The following RPS6 variants were observed in gnomAD, a reference collection of about 807,000 sequenced individuals.
The protein encoded by RPS6 is ribosomal protein S6.
Under a neutral mutation model 27.1 loss-of-function variants are expected in RPS6, and 1 was observed. The ratio of observed to expected loss-of-function variants is 0.04; its 90% CI spans 0.01 to 0.18. The LOEUF (loss-of-function observed/expected upper bound fraction) is 0.18. Ranked by LOEUF, RPS6 falls within the 10% of genes least tolerant of loss-of-function variation. The probability of loss-of-function intolerance (pLI) is 1.00; values close to 1 mark genes in which losing one functional copy is unlikely to be tolerated. For synonymous variants in RPS6, 152 were observed against 106.0 expected (o/e 1.43, Z -2.66); for missense variants, 259 against 319.1 (o/e 0.81, Z 1.44).
At chr9:19,377,536 A>C (rs902358552) in intron 4 of RPS6, among the ~76,000 whole-genome samples, 1 of 152,288 alleles carries the variant, frequency 6.6e-6, no homozygotes, top group East Asian at 1.9e-4. Context: ...ATGTATGTTA[A>C]GTCACACCAG....
intron 4 of RPS6, 182 bp from the exon 5 acceptor site, chr9:19,376,833 T>C (rs962774890): frequency 2.0e-6 from 1 of 509,060 alleles, no homozygotes; most frequent in African/African-American, 2.0e-5. Flanking sequence ...TCTAGAAGAT[T>C]GGTTAAATAT....
Position 19,376,267 on chromosome 9 carries a change from C to G in RPS6, c.*26G>C. On this transcript the variant is annotated 3_prime_UTR_variant, in exon 6 of 6. Coordinates refer to ENST00000380394, the MANE Select transcript of RPS6 (RefSeq NM_001010.3). ...AAGTCAACAGAGATCAGAGTCTGAT[C>G]TTATTTATTTGTTACTCAAAAAATC... 1.9e-6 allele frequency: 3 copies of G among 1,571,046 alleles called. No homozygotes were observed. Among genetic ancestry groups the G allele is most frequent in the Non-Finnish European group, 2.6e-6 (3 of 1,147,920 alleles).
chr9:19,376,739 T>A, intron 4 of RPS6, 88 bp from the exon 5 acceptor site: 2 of 1,318,910 alleles, frequency 1.5e-6, no homozygotes, highest in African/African-American at 1.5e-5. Flanking sequence ...AACGTAAGCT[T>A]AACAGCATCT....
intron 2 of RPS6, 121 bp downstream of exon 2, chr9:19,379,366 G>A (rs1829641965): frequency 3.2e-6 from 5 of 1,552,864 alleles, no homozygotes; most frequent in Non-Finnish European, 4.4e-6. Flanking sequence ...GTGGCATTCG[G>A]AAGCAACTTA....
At position 19,376,546 on chromosome 9, in the gene RPS6, T is replaced by C; in HGVS notation, c.602A>G (p.Lys201Arg). The change falls in exon 5 of 6, where the codon AAA becomes AGA. Residue 201 changes from lysine (K) to arginine (R), a missense_variant. Lys to Arg is a conservative substitution (Grantham distance 26, BLOSUM62 2). Coordinates refer to ENST00000380394, the MANE Select transcript of RPS6 (RefSeq NM_001010.3). ...ATATTCTGCAGCCTCTTCTTTATTT[T>C]TCTTGGTACGCTGCTTCTTCAGAGC... ...RIALKKQRTKKNKEEAAEYAK... is the reference protein window; with the variant it reads ...RIALKKQRTKRNKEEAAEYAK... 2 of 1,614,198 alleles carry C rather than the reference T, an allele frequency of 1.2e-6. No individual in the cohort carries two copies. The highest frequency in any genetic ancestry group is 1.7e-6 in the Non-Finnish European group (2 of 1,180,038).
intron 2 of RPS6, 173 bp downstream of exon 2, chr9:19,379,314 T>G: frequency 6.7e-7 from 1 of 1,497,642 alleles, no homozygotes; most frequent in Middle Eastern, 1.7e-4. Flanking sequence ...TATGGCTTAC[T>G]CTACGTCCCC....
At chr9:19,379,446 G>T (rs757378785) in intron 2 of RPS6, 41 bp downstream of exon 2, 7 of 1,612,434 alleles carry the variant, frequency 4.3e-6, no homozygotes, top group Non-Finnish European at 5.9e-6. Context: ...GGCGTTTACC[G>T]TCTCTGACTT....
intron 4 of RPS6, 32 bp from the exon 5 acceptor site, chr9:19,376,683 ATTTGT>A (rs748487176): frequency 6.3e-7 from 1 of 1,584,848 alleles, no homozygotes; most frequent in South Asian, 1.2e-5. Context: ...TCATTTCAAT[ATTTGT>A]TTTGTTAGAA....
intron 1 of RPS6, 27 bp downstream of exon 1, chr9:19,380,163 A>T (rs1829655227): frequency 2.5e-6 from 4 of 1,613,594 alleles, no homozygotes; most frequent in Non-Finnish European, 2.5e-6. Flanking sequence ...CCCCAAACCC[A>T]GTCTAACACT....
intron 4 of RPS6, 135 bp from the exon 5 acceptor site, chr9:19,376,786 G>A (rs769265516): frequency 1.3e-6 from 1 of 744,472 alleles, no homozygotes; most frequent in East Asian, 2.9e-5. Context: ...AATCAAATCA[G>A]AACTATTCTA....
chr9:19,378,619 C>G (rs115951876), intron 3 of RPS6, 89 bp downstream of exon 3: 2 of 1,570,506 alleles, frequency 1.3e-6, no homozygotes, highest in African/African-American at 2.7e-5. Context: ...ATCCATTGGT[C>G]TGTAAGTCTG....
At chr9:19,378,979 G>A (rs539893902) in intron 2 of RPS6, 61 bp from the exon 3 acceptor site, 1 of 1,502,328 alleles carries the variant, frequency 6.7e-7, no homozygotes, top group East Asian at 2.4e-5. Flanking sequence ...ATACAGTACA[G>A]GATTGTGACC....
chr9:19,376,215 T>G lies in RPS6; in HGVS notation c.*78A>C. 8.1e-7 allele frequency: 1 copy of G among 1,234,970 alleles called. No homozygotes were observed. The allele number at this position is 1,234,970 out of a possible 1,614,324, so 76.5% of individuals were successfully genotyped here. A position where few individuals can be genotyped will look rare whatever the true frequency, so the allele number is the denominator to read the frequency against. ...TATGACCTAACTTTCCCTCTCTTCA[T>G]TTATGTAGTTTTCTATCAGCAATGA... On this transcript the variant is annotated 3_prime_UTR_variant, in exon 6 of 6. Coordinates refer to ENST00000380394, the MANE Select transcript of RPS6 (RefSeq NM_001010.3).
chr9:19,378,290 T>C, intron 4 of RPS6, 78 bp downstream of exon 4: 3 of 1,441,214 alleles, frequency 2.1e-6, no homozygotes, highest in African/African-American at 1.4e-5. Flanking sequence ...AAGGCACATA[T>C]TTATCTTCTG....
At position 19,379,625 on chromosome 9, in the gene RPS6, A is replaced by G; in HGVS notation, c.7-7T>C. ...CTGGGAAGGAGATGTTCAGCTAAGG[A>G]TTAAAAGGGGGGAAATAGTTTACGA... On this transcript the variant is annotated splice_region_variant and splice_polypyrimidine_tract_variant and intron_variant, in intron 1 of 5. Transcript: ENST00000380394. 2 of 1,611,030 alleles carry G rather than the reference A, an allele frequency of 1.2e-6. No individual in the cohort carries two copies. Among genetic ancestry groups the G allele is most frequent in the South Asian group, 1.1e-5 (1 of 90,862 alleles).
At position 19,378,780 on chromosome 9, in the gene RPS6, T is replaced by C. The variant is rs1400689985; in HGVS notation, c.277A>G (p.Lys93Glu). 1.9e-6 allele frequency: 3 copies of C among 1,614,202 alleles called. No individual in the cohort carries two copies. The highest frequency in any genetic ancestry group is 1.1e-5 in the South Asian group (1 of 91,082). ...ATGCAACCACGAACTGATTTTCTCT[T>C]TCTTTCTCCAGTTCTCCTTGGTCTG... ...CYRPRRTGER[K>E]RKSVRGCIVD... is the part of the protein sequence containing the mutation. Residue 93 changes from lysine to glutamate, a missense_variant, in exon 3 of 6, where the codon AAG (lysine) becomes GAG (glutamate). Physicochemically the swap from Lys to Glu is moderately conservative, Grantham distance 56. Coordinates refer to ENST00000380394, the MANE Select transcript of RPS6 (RefSeq NM_001010.3).
At chr9:19,379,266 G>A (rs1379667682) in intron 2 of RPS6, 27 of 1,445,946 alleles carry the variant, frequency 1.9e-5, no homozygotes, top group Non-Finnish European at 2.4e-5. Flanking sequence ...GCATGATGCA[G>A]GGCAAGAATT....
intron 4 of RPS6, 85 bp from the exon 5 acceptor site, chr9:19,376,736 G>C: frequency 1.5e-6 from 2 of 1,347,454 alleles, no homozygotes; most frequent in Non-Finnish European, 2.0e-6. Flanking sequence ...ATAAACGTAA[G>C]CTTAACAGCA....
chr9:19,377,502 T>A (rs543123621), intron 4 of RPS6, among the ~76,000 whole-genome samples: 1 of 152,158 alleles, frequency 6.6e-6, no homozygotes, highest in Admixed American at 6.5e-5. Flanking sequence ...ATTACTGACT[T>A]AACAGACGTA....
Sources: gnomAD v4.1 joint callset for allele counts (sites outside exome capture counted in the v4.1 genomes callset) on GRCh38, gnomAD v4.1.1 for gene constraint, MANE v1.5 for transcripts, NCBI Gene and HGNC (gene_info 2026-07-23, HGNC 2026-07-21) for gene names.